The following GRIA1 variants were observed in gnomAD, a reference collection of about 807,000 sequenced individuals.
GRIA1 encodes glutamate ionotropic receptor AMPA type subunit 1, also known as glutamate receptor 1.
A neutral mutation model predicts 99.2 loss-of-function variants in GRIA1; 31 were observed. The observed-to-expected ratio is 0.31, with a 90% CI of 0.23 to 0.42. GRIA1 has a LOEUF of 0.42. Among genes scored for constraint, GRIA1 ranks in the 10% least tolerant of loss-of-function variants. GRIA1 has a pLI of 1.00. For synonymous variants in GRIA1, 438 were observed against 432.4 expected, an observed-to-expected ratio of 1.01 and a Z score of -0.16; for missense variants, 782 against 1,157.5, an observed-to-expected ratio of 0.68 and a Z score of 4.71.
At chr5:153,794,905 T>C (rs1273962686) in intron 14 of GRIA1, among the ~76,000 whole-genome samples, 170 bp downstream of exon 14, 2 of 152,180 alleles carry the variant, frequency 1.3e-5, no homozygotes, top group African/African-American at 4.8e-5. Flanking sequence ...AACTATCCTC[T>C]ACTTCTCTTC....
At chr5:153,634,615 G>A (rs1417611597) in intron 2 of GRIA1, among the ~76,000 whole-genome samples, 1 of 152,140 alleles carries the variant, frequency 6.6e-6, no homozygotes, top group African/African-American at 2.4e-5. Flanking sequence ...AGTTCAAAGT[G>A]CCCTTATTGG....
intron 12 of GRIA1, among the ~76,000 whole-genome samples, chr5:153,768,272 A>G (rs1163345678): frequency 6.6e-6 from 1 of 151,994 alleles, no homozygotes; most frequent in African/African-American, 2.4e-5. Flanking sequence ...TCACATTGAC[A>G]TTGTTGCTTG....
chr5:153,553,362 G>A (rs1353677202), intron 2 of GRIA1, among the ~76,000 whole-genome samples: 2 of 152,188 alleles, frequency 1.3e-5, no homozygotes, highest in Admixed American at 1.3e-4. Context: ...ACTGAGGCAG[G>A]TTTCAGAGCA....
intron 2 of GRIA1, among the ~76,000 whole-genome samples, chr5:153,510,314 C>A (rs1195593361): frequency 1.3e-5 from 2 of 152,200 alleles, no homozygotes; most frequent in East Asian, 1.9e-4. Flanking sequence ...TTAATCAGAA[C>A]CTGACTTTTT....
intron 2 of GRIA1, among the ~76,000 whole-genome samples, chr5:153,530,541 A>G (rs1757998718): frequency 6.6e-6 from 1 of 152,200 alleles, no homozygotes. Flanking sequence ...TGGGATTGTG[A>G]GTGTTGCTAT....
chr5:153,696,438 A>G (rs1758110694), intron 8 of GRIA1, among the ~76,000 whole-genome samples: 1 of 152,200 alleles, frequency 6.6e-6, no homozygotes, highest in Non-Finnish European at 1.5e-5. Context: ...CTTTGCAGCT[A>G]CTTCACCTCG....
At chr5:153,748,873 G>T (rs1762328492) in intron 11 of GRIA1, among the ~76,000 whole-genome samples, 1 of 152,142 alleles carries the variant, frequency 6.6e-6, no homozygotes, top group Admixed American at 6.5e-5. Context: ...CAGGTCTAAG[G>T]TACCAAGTAG....
chr5:153,801,009 G>A (rs1008880041), intron 14 of GRIA1, among the ~76,000 whole-genome samples: 7 of 152,222 alleles, frequency 4.6e-5, no homozygotes, highest in Admixed American at 1.3e-4. Context: ...AATTCAATGA[G>A]ACATTTATTG....
At chr5:153,700,359 T>C (rs1160505092) in intron 10 of GRIA1, among the ~76,000 whole-genome samples, 1 of 152,152 alleles carries the variant, frequency 6.6e-6, no homozygotes, top group Non-Finnish European at 1.5e-5. Context: ...CACTCCAGCC[T>C]GGGAGACAAG....
chr5:153,527,971 C>T (rs958725284), intron 2 of GRIA1, among the ~76,000 whole-genome samples: 2 of 152,146 alleles, frequency 1.3e-5, no homozygotes, highest in Admixed American at 6.6e-5. Flanking sequence ...AATTACCAAC[C>T]ATAGTTATAT....
At chr5:153,806,575 C>G (rs1256866321) in intron 15 of GRIA1, among the ~76,000 whole-genome samples, 1 of 152,134 alleles carries the variant, frequency 6.6e-6, no homozygotes, top group Non-Finnish European at 1.5e-5. Context: ...TTGGCCCACT[C>G]TTAAGGCCTT....
At chr5:153,703,675 G>A (rs184695443) in intron 10 of GRIA1, among the ~76,000 whole-genome samples, 2 of 152,282 alleles carry the variant, frequency 1.3e-5, no homozygotes, top group East Asian at 1.9e-4. Context: ...AGGAGACAGA[G>A]GTTGCAGAGC....
chr5:153,647,705 TATC>T (rs371732530), intron 3 of GRIA1, among the ~76,000 whole-genome samples: 8 of 152,218 alleles, frequency 5.3e-5, no homozygotes, highest in African/African-American at 1.9e-4. Context: ...TTTTAGATGT[TATC>T]ATCATCATCA....
At chr5:153,798,313 C>G (rs1198971916) in intron 14 of GRIA1, among the ~76,000 whole-genome samples, 1 of 152,126 alleles carries the variant, frequency 6.6e-6, no homozygotes, top group Non-Finnish European at 1.5e-5. Flanking sequence ...GGTCCTTAAG[C>G]CAAAAATACA....
chr5:153,794,785 G>A (rs1419385387), intron 14 of GRIA1, 50 bp downstream of exon 14: 1 of 1,078,438 alleles, frequency 9.3e-7, no homozygotes, highest in East Asian at 2.4e-5. Context: ...AAATAGCATG[G>A]CTGGTAACCA....
chr5:153,529,750 A>T (rs1221357606), intron 2 of GRIA1, among the ~76,000 whole-genome samples: 2 of 152,118 alleles, frequency 1.3e-5, no homozygotes, highest in Non-Finnish European at 2.9e-5. Context: ...GTAAATGGAT[A>T]TCCTGAGGCT....
intron 3 of GRIA1, 135 bp from the exon 4 acceptor site, chr5:153,650,195 C>A: frequency 1.5e-6 from 1 of 649,898 alleles, no homozygotes; most frequent in Non-Finnish European, 2.6e-6. Flanking sequence ...GTTTTGCAGC[C>A]AGAGAAAACT....
At position 153,647,023 on chromosome 5, in the gene GRIA1, G is replaced by A. The variant is rs138238382; in HGVS notation, c.316G>A (p.Val106Ile). The A allele has an allele frequency of 3.6e-5, 58 of 1,613,828 alleles. No homozygotes were observed. The highest frequency in any genetic ancestry group is 1.1e-4 in the South Asian group (10 of 91,074). Reference protein sequence around the residue: ...MLTSFCGALHVCFITPSFPVD... With the variant: ...MLTSFCGALHICFITPSFPVD... ...GACCTCCTTTTGTGGGGCCCTCCAC[G>A]TCTGCTTCATTACGCCGAGCTTTCC... Residue 106 changes from valine (V) to isoleucine (I), a missense_variant, in exon 3 of 16, where the codon GTC (valine) becomes ATC (isoleucine). By Grantham distance (29) the Val-to-Ile change is conservative. Around this residue, in one of 5 missense-constraint regions of GRIA1, gnomAD observed 461 missense variants for 521.7 expected, o/e 0.88. Coordinates refer to ENST00000285900, the MANE Select transcript of GRIA1 (RefSeq NM_000827.4).
intron 11 of GRIA1, among the ~76,000 whole-genome samples, chr5:153,713,654 C>T (rs1426810182): frequency 6.6e-6 from 1 of 152,194 alleles, no homozygotes; most frequent in East Asian, 1.9e-4. Flanking sequence ...CCATCATTTT[C>T]TGTGTCTCAG....
Sources: gnomAD v4.1 joint callset for allele counts (sites outside exome capture counted in the v4.1 genomes callset) on GRCh38, gnomAD v4.1.1 for gene constraint, gnomAD v4.1.1 regional missense constraint, MANE v1.5 for transcripts, NCBI Gene and HGNC (gene_info 2026-07-23, HGNC 2026-07-21) for gene names.